PCLO: variants seen among roughly 807,000 people sequenced by gnomAD.
The protein encoded by PCLO is piccolo presynaptic cytomatrix protein.
In PCLO, 82 loss-of-function variants were observed where a neutral mutation model predicts 427.5. That is an observed-to-expected ratio of 0.19 (90% CI 0.16 to 0.23). PCLO has a LOEUF of 0.23. PCLO is among the 10% of genes least tolerant of loss of function. PCLO has a pLI of 1.00. For synonymous variants in PCLO, 2,357 were observed against 2,155.4 expected, an observed-to-expected ratio of 1.09 and a Z score of -2.59; for missense variants, 6,239 against 6,115.9, an observed-to-expected ratio of 1.02 and a Z score of -0.67.
chr7:82,885,195 A>G (rs941657442), intron 9 of PCLO, among the ~76,000 whole-genome samples: 7 of 152,074 alleles, frequency 4.6e-5, no homozygotes, highest in African/African-American at 1.7e-4. Context: ...AGAGTGAGAG[A>G]TTTACTCCTG....
intron 1 of PCLO, among the ~76,000 whole-genome samples, chr7:83,159,529 G>C (rs1792381880): frequency 6.6e-6 from 1 of 151,988 alleles, no homozygotes; most frequent in South Asian, 2.1e-4. Context: ...CTGCTAGCTT[G>C]TAACTACTTA....
Position 82,953,778 on chromosome 7 carries a change from G to A in PCLO, c.7175C>T (p.Pro2392Leu). Residue 2392 changes from proline to leucine, a missense_variant, in exon 5 of 25, where the codon CCA becomes CTA. By Grantham distance (98) the Pro-to-Leu change is moderately conservative. Coordinates refer to ENST00000333891, the MANE Select transcript of PCLO (RefSeq NM_033026.6). The part of the protein sequence containing the change: ...SVSSLPAKPR[P>L]FFRSSSLDIS... Reference sequence around the variant, plus strand: ...ATCCAAAGAAGAACTTCTAAAGAATGGGCGAGGTTTAGCTGGAAGAGAGGA... The same window carrying A: ...ATCCAAAGAAGAACTTCTAAAGAATAGGCGAGGTTTAGCTGGAAGAGAGGA... 3 of 1,578,436 alleles carry A rather than the reference G, an allele frequency of 1.9e-6. No individual in the cohort carries two copies. Among genetic ancestry groups the A allele is most frequent in the Admixed American group, 1.9e-5 (1 of 53,192 alleles).
At chr7:83,082,425 G>A (rs971670059) in intron 3 of PCLO, among the ~76,000 whole-genome samples, 7 of 151,612 alleles carry the variant, frequency 4.6e-5, no homozygotes, top group Admixed American at 1.3e-4. Context: ...AATAAAAATC[G>A]TACATACTTG....
chr7:82,909,498 C>T (rs1319991379), intron 7 of PCLO, among the ~76,000 whole-genome samples: 2 of 151,970 alleles, frequency 1.3e-5, no homozygotes, highest in Non-Finnish European at 2.9e-5. Context: ...AACAAACCTG[C>T]ACATTCTGCA....
chr7:82,786,686 A>G (rs1274344588), intron 22 of PCLO, among the ~76,000 whole-genome samples: 1 of 151,978 alleles, frequency 6.6e-6, no homozygotes, highest in Non-Finnish European at 1.5e-5. Context: ...GGTTTGCTGC[A>G]CTCATCAACC....
rs375077530 is a variant in PCLO, at chr7:82,921,574, T to C, written c.11113-4701A>G. 3.2e-4 allele frequency among the ~76,000 whole-genome samples: 49 copies of C among 151,958 alleles called. 1 individual carries two copies. The South Asian group carries it at 9.7e-3, about 30-fold the overall frequency. Reference sequence around the variant, plus strand: ...AGATTGAAACTGGACCCTTTCCTTATACCATATACAGAAATCAATTCAAGA... The same window carrying C: ...AGATTGAAACTGGACCCTTTCCTTACACCATATACAGAAATCAATTCAAGA... On this transcript the variant is annotated intron_variant, in intron 6 of 24. Transcript: ENST00000333891.
At chr7:83,060,146 T>C (rs1288430930) in intron 3 of PCLO, among the ~76,000 whole-genome samples, 1 of 152,170 alleles carries the variant, frequency 6.6e-6, no homozygotes, top group Non-Finnish European at 1.5e-5. Flanking sequence ...AAATGTCCCC[T>C]TCAAAATCCA....
intron 1 of PCLO, among the ~76,000 whole-genome samples, chr7:83,158,920 TAA>T (rs1167156524): frequency 6.6e-6 from 1 of 151,960 alleles, no homozygotes; most frequent in Non-Finnish European, 1.5e-5. Flanking sequence ...AACAAAAACG[TAA>T]AGGTGCTGCT....
Position 82,941,895 on chromosome 7 carries a change from G to A in PCLO, c.11112+7581C>T, listed in dbSNP as rs190706996. ...GCAATTTAAACAGATATACAAAAGC[G>A]TGGCCAGGCACAGTGGCTCATGCCT... On this transcript the variant is annotated intron_variant, in intron 6 of 24. Transcript: ENST00000333891. 3.0e-3 allele frequency among the ~76,000 whole-genome samples: 462 copies of A among 152,144 alleles called. 2 individuals are homozygous for A. The highest frequency in any genetic ancestry group is 0.011 in the African/African-American group (445 of 41,520).
chr7:82,947,971 A>G (rs1180661508), intron 6 of PCLO, among the ~76,000 whole-genome samples: 3 of 152,174 alleles, frequency 2.0e-5, no homozygotes, highest in African/African-American at 7.2e-5. Flanking sequence ...TCCACCTGGA[A>G]AGCCTGTTCT....
intron 3 of PCLO, among the ~76,000 whole-genome samples, chr7:83,037,336 A>C (rs2116181265): frequency 6.6e-6 from 1 of 152,194 alleles, no homozygotes; most frequent in East Asian, 1.9e-4. Context: ...TTTTCTTATT[A>C]GATTTTCCAA....
chr7:83,103,493 C>T (rs1466392350), intron 3 of PCLO, among the ~76,000 whole-genome samples: 1 of 151,862 alleles, frequency 6.6e-6, no homozygotes, highest in Non-Finnish European at 1.5e-5. Context: ...GGAAGAAAAG[C>T]TATATACAAA....
rs1296800232 is a variant in PCLO at position 82,756,360 on chromosome 7, A to C, written c.*2215T>G. On this transcript the variant is annotated 3_prime_UTR_variant, in exon 25 of 25. Coordinates refer to ENST00000333891, the MANE Select transcript of PCLO (RefSeq NM_033026.6). ...CATCAGCAGATCTAATAGTTTCTAA[A>C]AATAAAATACTAGCAATATAATGTC... The C allele has an allele frequency of 2.0e-5, 3 of 152,050 alleles. No homozygotes were observed. Among genetic ancestry groups the C allele is most frequent in the African/African-American group, 7.2e-5 (3 of 41,402 alleles). The allele number at this position is 152,050 out of a possible 1,614,324, so 9.4% of individuals were successfully genotyped here.
intron 3 of PCLO, among the ~76,000 whole-genome samples, chr7:83,087,416 T>C (rs12707553): frequency 0.49 from 74,042 of 151,512 alleles, 18,216 homozygotes; most frequent in African/African-American, 0.51. Flanking sequence ...GCAATTCATC[T>C]GTGTAACCAA....
At position 83,156,385 on chromosome 7, in the gene PCLO, C is replaced by T; in HGVS notation, c.256G>A (p.Glu86Lys). 6.8e-7 allele frequency: 1 copy of T among 1,480,386 alleles called. No homozygotes were observed. The highest frequency in any genetic ancestry group is 1.3e-5 in the South Asian group (1 of 78,612). 91.7% of individuals were successfully genotyped at this position (1,480,386 alleles called of 1,614,324 possible). Reference protein sequence around the residue: ...AESPSMHRKQELDSSHPPKQS... With the variant: ...AESPSMHRKQKLDSSHPPKQS... ...TTTGGAGGATGACTACTATCCAACTCTTGTTTCCTAGAAGAGTTAAAAAAA... is the reference window on the plus strand; with the variant it reads ...TTTGGAGGATGACTACTATCCAACTTTTGTTTCCTAGAAGAGTTAAAAAAA... The change falls in exon 2 of 25, where the codon GAG becomes AAG. Residue 86 changes from glutamate (E) to lysine (K), a missense_variant. Around this residue, in one of 5 missense-constraint regions of PCLO, gnomAD observed 4,677 missense variants for 4,468.4 expected, o/e 1.05. Coordinates refer to ENST00000333891, the MANE Select transcript of PCLO (RefSeq NM_033026.6).
chr7:82,932,904 C>G (rs1046727880), intron 6 of PCLO, among the ~76,000 whole-genome samples: 5 of 152,008 alleles, frequency 3.3e-5, no homozygotes, highest in Non-Finnish European at 7.4e-5. Flanking sequence ...AACTAATATG[C>G]TCATTGGCCT....
chr7:82,986,606 T>C (rs2115811274), intron 3 of PCLO, among the ~76,000 whole-genome samples: 1 of 152,104 alleles, frequency 6.6e-6, no homozygotes, highest in South Asian at 2.1e-4. Context: ...GCATTGTTCA[T>C]TTATACAGAT....
chr7:82,914,455 C>T (rs1432585913), intron 7 of PCLO: 2 of 586,766 alleles, frequency 3.4e-6, no homozygotes, highest in Non-Finnish European at 3.0e-6. Context: ...ATCAAGCAAA[C>T]AATCAAGAAA....
chr7:82,967,636 AC>A (rs1020030978), intron 3 of PCLO, among the ~76,000 whole-genome samples: 1 of 152,134 alleles, frequency 6.6e-6, no homozygotes, highest in African/African-American at 2.4e-5. Flanking sequence ...TTTTTGATAA[AC>A]TGGTTGAGAA....
Sources: gnomAD v4.1 joint callset for allele counts (sites outside exome capture counted in the v4.1 genomes callset) on GRCh38, gnomAD v4.1.1 for gene constraint, gnomAD v4.1.1 regional missense constraint, MANE v1.5 for transcripts, NCBI Gene and HGNC (gene_info 2026-07-23, HGNC 2026-07-21) for gene names.